The following CNTNAP2 variants were observed in gnomAD, a reference collection of about 807,000 sequenced individuals.
The protein encoded by CNTNAP2 is contactin-associated protein-like 2.
Under a neutral mutation model 155.2 loss-of-function variants are expected in CNTNAP2, and 98 were observed. The ratio of observed to expected loss-of-function variants is 0.63; its 90% CI spans 0.54 to 0.75. The LOEUF is 0.75. CNTNAP2 is among the 30% of genes least tolerant of loss of function. The pLI is 0.00. For synonymous variants in CNTNAP2, 651 were observed against 631.2 expected (o/e 1.03, Z -0.47); for missense variants, 1,727 against 1,688.1 (o/e 1.02, Z -0.40).
chr7:148,121,980 TTC>T (rs966612951), intron 16 of CNTNAP2, among the ~76,000 whole-genome samples: 3 of 152,226 alleles, frequency 2.0e-5, no homozygotes, highest in African/African-American at 4.8e-5. Flanking sequence ...TCAAAGATCT[TTC>T]TGTTTGTTTT....
At chr7:147,141,333 A>G (rs566291580) in intron 8 of CNTNAP2, among the ~76,000 whole-genome samples, 2 of 152,270 alleles carry the variant, frequency 1.3e-5, no homozygotes, top group East Asian at 3.9e-4. Flanking sequence ...TTATTGCCTA[A>G]AAGAATGTTT....
chr7:146,885,969 G>GTGTGTGTA (rs1204408954), intron 3 of CNTNAP2, among the ~76,000 whole-genome samples: 1 of 131,162 alleles, frequency 7.6e-6, no homozygotes, highest in Non-Finnish European at 1.7e-5. Context: ...GTGTGTGTGT[G>GTGTGTGTA]TGTGTATGTG....
At chr7:147,599,698 G>A (rs771382027) in intron 12 of CNTNAP2, among the ~76,000 whole-genome samples, 6 of 151,968 alleles carry the variant, frequency 3.9e-5, no homozygotes, top group Admixed American at 2.0e-4. Context: ...CATCCCTCCC[G>A]TCTCTGTCTT....
intron 1 of CNTNAP2, among the ~76,000 whole-genome samples, chr7:146,363,947 G>T (rs1463450978): frequency 1.3e-5 from 2 of 152,068 alleles, no homozygotes; most frequent in Non-Finnish European, 2.9e-5. Flanking sequence ...AGAATTCAAA[G>T]AATAAATGGA....
chr7:147,336,681 T>G (rs1795669976), intron 9 of CNTNAP2, among the ~76,000 whole-genome samples: 1 of 152,148 alleles, frequency 6.6e-6, no homozygotes, highest in South Asian at 2.1e-4. Context: ...GAGATATGAT[T>G]AGAGTCCAGG....
chr7:146,323,081 A>G (rs571471517), intron 1 of CNTNAP2, among the ~76,000 whole-genome samples: 1 of 152,066 alleles, frequency 6.6e-6, no homozygotes, highest in Non-Finnish European at 1.5e-5. Flanking sequence ...AATTACCTAT[A>G]TGTGACCTAA....
At position 147,801,935 on chromosome 7, in the gene CNTNAP2, C is replaced by T. The variant is rs867465486; in HGVS notation, c.2099-101630C>T. On this transcript the variant is annotated intron_variant, in intron 13 of 23. Transcript: ENST00000361727. ...GGCGCCCCTCACCTCCTGGACGGGG[C>T]GGCTGGCCGGGCGGGGGGCTGACAC... Among the ~76,000 whole-genome samples, 67 of 131,814 alleles carry T rather than the reference C, an allele frequency of 5.1e-4. 2 individuals carry two copies. In the South Asian group the frequency reaches 8.7e-3, roughly 17 times the overall value. The allele number at this position is 131,814 out of a possible 152,430, so 86.5% of individuals were successfully genotyped here.
At chr7:147,574,772 T>A (rs1396201133) in intron 12 of CNTNAP2, among the ~76,000 whole-genome samples, 1 of 152,090 alleles carries the variant, frequency 6.6e-6, no homozygotes, top group Non-Finnish European at 1.5e-5. Context: ...CCACATTCTT[T>A]GTAATACTTG....
intron 15 of CNTNAP2, among the ~76,000 whole-genome samples, chr7:148,092,777 C>T (rs954798215): frequency 6.6e-6 from 1 of 151,150 alleles, no homozygotes; most frequent in Admixed American, 6.6e-5. Context: ...CGACAGAAAG[C>T]AGCTTCTGTC....
At chr7:148,304,941 C>T (rs1797462226) in intron 21 of CNTNAP2, among the ~76,000 whole-genome samples, 1 of 151,148 alleles carries the variant, frequency 6.6e-6, no homozygotes, top group African/African-American at 2.4e-5. Context: ...TCCAGCCAGG[C>T]ATGGTGGTTC....
chr7:147,793,196 C>G (rs897492200), intron 13 of CNTNAP2, among the ~76,000 whole-genome samples: 5 of 151,964 alleles, frequency 3.3e-5, no homozygotes, highest in African/African-American at 4.8e-5. Flanking sequence ...TGATAATATT[C>G]AATTTATTTA....
At chr7:148,046,400 G>A (rs1802774827) in intron 15 of CNTNAP2, among the ~76,000 whole-genome samples, 1 of 152,048 alleles carries the variant, frequency 6.6e-6, no homozygotes, top group Non-Finnish European at 1.5e-5. Context: ...ATTTAATTGA[G>A]TGTAGACAAT....
chr7:146,565,005 A>T (rs1798335739), intron 1 of CNTNAP2, among the ~76,000 whole-genome samples: 2 of 152,212 alleles, frequency 1.3e-5, no homozygotes, highest in Non-Finnish European at 2.9e-5. Flanking sequence ...CTGATTTCTA[A>T]TCTAGTGTTT....
chr7:147,803,967 G>A (rs1182237157), intron 13 of CNTNAP2, among the ~76,000 whole-genome samples: 1 of 152,176 alleles, frequency 6.6e-6, no homozygotes, highest in Non-Finnish European at 1.5e-5. Context: ...GAATACGAAT[G>A]TAAGTTCCTC....
chr7:146,928,578 G>C (rs920656522), intron 3 of CNTNAP2, among the ~76,000 whole-genome samples: 1 of 152,200 alleles, frequency 6.6e-6, no homozygotes, highest in Non-Finnish European at 1.5e-5. Flanking sequence ...GTGCCAGACA[G>C]TGGGTGCAGG....
chr7:148,115,677 G>A (rs944035786), intron 15 of CNTNAP2, among the ~76,000 whole-genome samples: 1 of 152,124 alleles, frequency 6.6e-6, no homozygotes, highest in Non-Finnish European at 1.5e-5. Flanking sequence ...GTTGAGGGGG[G>A]AGGAAGGCTT....
intron 2 of CNTNAP2, among the ~76,000 whole-genome samples, chr7:146,818,529 T>G (rs184603010): frequency 6.6e-6 from 1 of 152,030 alleles, no homozygotes; most frequent in African/African-American, 2.4e-5. Flanking sequence ...TTGTTTTAAA[T>G]ACCTCCATGG....
At chr7:147,281,721 A>T (rs1805039513) in intron 8 of CNTNAP2, among the ~76,000 whole-genome samples, 1 of 151,920 alleles carries the variant, frequency 6.6e-6, no homozygotes, top group Non-Finnish European at 1.5e-5. Flanking sequence ...CATAGAATAT[A>T]TTCAAGAAGA....
intron 7 of CNTNAP2, 146 bp downstream of exon 7, chr7:147,128,982 T>C: frequency 9.6e-7 from 1 of 1,039,226 alleles, no homozygotes; most frequent in Non-Finnish European, 1.5e-6. Flanking sequence ...ATTAGAGTTA[T>C]CAGAATTAGT....
Sources: allele counts gnomAD v4.1 joint callset (sites outside exome capture counted in the v4.1 genomes callset), GRCh38; gene constraint gnomAD v4.1.1; transcripts MANE v1.5; gene names NCBI Gene and HGNC (gene_info 2026-07-23, HGNC 2026-07-21).